MACC1: variants seen among roughly 807,000 people sequenced by gnomAD.
MACC1 encodes MET transcriptional regulator MACC1.
MACC1 carries 79 observed loss-of-function variants against 70.7 expected under a neutral mutation model. The observed-to-expected ratio is 1.12, with a 90% CI of 0.93 to 1.35. The LOEUF is 1.35. MACC1 is among the 40% of genes most tolerant of loss of function. The pLI, the probability that MACC1 is intolerant of heterozygous loss-of-function variation, is 0.00. For missense variants in MACC1, 1,106 were observed against 978.1 expected (o/e 1.13, Z -1.74); for synonymous variants, 361 against 347.2 (o/e 1.04, Z -0.44).
intron 1 of MACC1, among the ~76,000 whole-genome samples, chr7:20,171,732 C>A (rs1375261780): frequency 6.6e-6 from 1 of 152,100 alleles, no homozygotes; most frequent in Non-Finnish European, 1.5e-5. Flanking sequence ...CAGATGCCCA[C>A]CACCACGCCT....
intron 6 of MACC1, among the ~76,000 whole-genome samples, chr7:20,149,618 G>A (rs939438021): frequency 6.6e-6 from 1 of 152,052 alleles, no homozygotes; most frequent in Non-Finnish European, 1.5e-5. Flanking sequence ...AGTCACTGAA[G>A]ACTCCCCTCC....
chr7:20,144,696 G>A (rs1781861130), intron 6 of MACC1, among the ~76,000 whole-genome samples: 1 of 152,048 alleles, frequency 6.6e-6, no homozygotes, highest in Admixed American at 6.6e-5. Context: ...AAAAGGGAGG[G>A]TATCTGATAA....
intron 1 of MACC1, among the ~76,000 whole-genome samples, chr7:20,190,441 T>C (rs1009452928): frequency 6.6e-6 from 1 of 152,220 alleles, no homozygotes; most frequent in African/African-American, 2.4e-5. Context: ...TATTGAATCT[T>C]GACATTAAAT....
In MACC1 at chr7:20,141,079, T is replaced by A; in HGVS notation, c.2426A>T (p.Asp809Val). The A allele has an allele frequency of 6.2e-7, 1 of 1,613,780 alleles. No homozygotes were observed. The highest frequency in any genetic ancestry group is 1.1e-5 in the South Asian group (1 of 91,060). Residue 809 changes from aspartate to valine, a missense_variant, in exon 7 of 7, where the codon GAC becomes GTC. Physicochemically the swap from Asp to Val is radical, Grantham distance 152. Coordinates refer to ENST00000400331, the MANE Select transcript of MACC1 (RefSeq NM_182762.4). ...CATTCTGTCCAAAGCTGACTGAAGG[T>A]CTTGTAACACATCTCTGTAGTTATT... ...YGNNYRDVLQ[D>V]LQSALDRMKN...
chr7:20,213,913 T>TA (rs983543817), intron 1 of MACC1, among the ~76,000 whole-genome samples: 7 of 152,140 alleles, frequency 4.6e-5, no homozygotes, highest in Admixed American at 3.9e-4. Flanking sequence ...AAATAAAAGT[T>TA]AAAAATAAAA....
At chr7:20,213,934 C>T (rs768067163) in intron 1 of MACC1, among the ~76,000 whole-genome samples, 2 of 152,092 alleles carry the variant, frequency 1.3e-5, no homozygotes, top group Non-Finnish European at 2.9e-5. Flanking sequence ...TAAATAAAAA[C>T]TCAAGAGCAG....
Position 20,135,713 on chromosome 7 carries a change from A to G in MACC1, c.*5233T>C, listed in dbSNP as rs1276666637. On this transcript the variant is annotated 3_prime_UTR_variant, in exon 7 of 7. Transcript: ENST00000400331. ...AATGATTGCCTGGTCTAAGGCCTTG[A>G]CAATGAGACTGGAGCATGTTTGGCA... is the stretch of plus-strand genomic sequence containing the variant. The G allele has an allele frequency of 2.8e-4, 42 of 152,252 alleles. No individual in the cohort carries two copies. The highest frequency in any genetic ancestry group is 2.6e-3 in the Admixed American group (40 of 15,276). 9.4% of individuals were successfully genotyped at this position (152,252 alleles called of 1,614,324 possible).
At chr7:20,208,148 CT>C (rs1195554351) in intron 1 of MACC1, among the ~76,000 whole-genome samples, 18 of 152,316 alleles carry the variant, frequency 1.2e-4, no homozygotes, top group Non-Finnish European at 2.5e-4. Context: ...AATTAAACCT[CT>C]TTCTTTTATA....
At chr7:20,206,473 T>C (rs1023859969) in intron 1 of MACC1, among the ~76,000 whole-genome samples, 1 of 152,200 alleles carries the variant, frequency 6.6e-6, no homozygotes, top group African/African-American at 2.4e-5. Context: ...TTTCTCCTGT[T>C]TCTCTGATCT....
Position 20,154,105 on chromosome 7 carries a change from A to C in MACC1, c.2346+88T>G, listed in dbSNP as rs893139924. On this transcript the variant is annotated intron_variant, in intron 6 of 6. Coordinates refer to ENST00000400331, the MANE Select transcript of MACC1 (RefSeq NM_182762.4). ...GATCATCTTGGACATTCCCCCAGTG[A>C]ATCCGTGAATGTGGTATGGGTTTGA... 3.5e-5 allele frequency: 47 copies of C among 1,361,544 alleles called. No homozygotes were observed. The African/African-American group carries it at 6.6e-4, about 19-fold the overall frequency. 84.3% of individuals were successfully genotyped at this position (1,361,544 alleles called of 1,614,324 possible).
At chr7:20,183,810 CA>C (rs1424780491) in intron 1 of MACC1, among the ~76,000 whole-genome samples, 2 of 151,010 alleles carry the variant, frequency 1.3e-5, no homozygotes, top group Admixed American at 1.3e-4. Flanking sequence ...CGGGTTCAAG[CA>C]ATTCTCCTGC....
At chr7:20,210,418 T>C (rs1475227638) in intron 1 of MACC1, among the ~76,000 whole-genome samples, 1 of 152,224 alleles carries the variant, frequency 6.6e-6, no homozygotes, top group Non-Finnish European at 1.5e-5. Flanking sequence ...TTTATGTATG[T>C]ATTTGTCACT....
chr7:20,144,878 A>C (rs6979361), intron 6 of MACC1, among the ~76,000 whole-genome samples: 5,115 of 152,238 alleles, frequency 0.034, 298 homozygotes, highest in African/African-American at 0.12. Flanking sequence ...GATACAAGAG[A>C]GAAATAGACG....
chr7:20,147,022 C>A (rs1211392348), intron 6 of MACC1, among the ~76,000 whole-genome samples: 2 of 152,156 alleles, frequency 1.3e-5, no homozygotes, highest in Non-Finnish European at 1.5e-5. Context: ...ATTTAACATA[C>A]AAAGTTGAGC....
chr7:20,180,758 A>C (rs1052714584), intron 1 of MACC1, among the ~76,000 whole-genome samples: 2 of 152,054 alleles, frequency 1.3e-5, no homozygotes, highest in South Asian at 2.1e-4. Context: ...GACACAGAAA[A>C]ATCACTTGAA....
chr7:20,171,240 A>G (rs556551212), intron 1 of MACC1, among the ~76,000 whole-genome samples: 1 of 141,750 alleles, frequency 7.1e-6, no homozygotes, highest in Admixed American at 7.5e-5. Context: ...AGAAACTGGA[A>G]GATTATTTTA....
chr7:20,155,864 A>G (rs1159457957), intron 5 of MACC1, among the ~76,000 whole-genome samples: 2 of 152,136 alleles, frequency 1.3e-5, no homozygotes, highest in African/African-American at 4.8e-5. Context: ...TTTATATTCC[A>G]GTTTCTTGTT....
At chr7:20,201,339 C>T (rs761268412) in intron 1 of MACC1, among the ~76,000 whole-genome samples, 6 of 152,080 alleles carry the variant, frequency 3.9e-5, no homozygotes, top group Non-Finnish European at 7.4e-5. Context: ...TAGGGAGAAG[C>T]AGGATGAAGT....
At chr7:20,148,917 A>G (rs1396748422) in intron 6 of MACC1, among the ~76,000 whole-genome samples, 2 of 152,234 alleles carry the variant, frequency 1.3e-5, no homozygotes, top group African/African-American at 4.8e-5. Context: ...AAGAAATTAT[A>G]AATATATTTC....
Sources: gnomAD v4.1 joint callset for allele counts (sites outside exome capture counted in the v4.1 genomes callset) on GRCh38, gnomAD v4.1.1 for gene constraint, MANE v1.5 for transcripts, NCBI Gene and HGNC (gene_info 2026-07-23, HGNC 2026-07-21) for gene names.